The following DCUN1D4 variants were observed in gnomAD, a reference collection of about 807,000 sequenced individuals.
The protein encoded by DCUN1D4 is DCN1-like protein 4.
A neutral mutation model predicts 47.9 loss-of-function variants in DCUN1D4; 22 were observed. That is an observed-to-expected ratio of 0.46 (90% CI 0.33 to 0.66). The LOEUF (loss-of-function observed/expected upper bound fraction) is 0.66, where lower values mean the gene tolerates loss of function less well. Among genes scored for constraint, DCUN1D4 ranks in the 30% least tolerant of loss-of-function variants. DCUN1D4 has a pLI of 0.02. For synonymous variants in DCUN1D4, 121 were observed against 112.2 expected (o/e 1.08, Z -0.50); for missense variants, 301 against 340.8 (o/e 0.88, Z 0.92).
intron 1 of DCUN1D4, among the ~76,000 whole-genome samples, chr4:51,862,053 G>A (rs1051397869): frequency 2.6e-5 from 4 of 152,174 alleles, no homozygotes; most frequent in Non-Finnish European, 5.9e-5. Flanking sequence ...CTTAAGCATG[G>A]CTGGGCTATT....
chr4:51,833,988 G>A, the DCUN1D4 span, among the ~76,000 whole-genome samples: 1 of 148,662 alleles, frequency 6.7e-6, no homozygotes, highest in Admixed American at 6.7e-5. Context: ...TGGGAGCCTG[G>A]CTTGGGGAAG....
intron 5 of DCUN1D4, chr4:51,878,119 A>C: frequency 4.2e-6 from 1 of 236,248 alleles, no homozygotes. Context: ...ATTGCTGGGA[A>C]ACCTATTTGG....
chr4:51,864,692 T>G (rs1448012106), intron 3 of DCUN1D4, among the ~76,000 whole-genome samples: 5 of 152,142 alleles, frequency 3.3e-5, no homozygotes, highest in Non-Finnish European at 7.4e-5. Context: ...GGGCACTAAT[T>G]CCATTAATGA....
intron 1 of DCUN1D4, among the ~76,000 whole-genome samples, chr4:51,861,561 A>C (rs772903106): frequency 5.9e-5 from 9 of 152,158 alleles, no homozygotes; most frequent in Non-Finnish European, 1.2e-4. Flanking sequence ...TGAAATGACA[A>C]AAGCATAGCC....
chr4:51,898,111 C>G (rs1396821102), intron 7 of DCUN1D4, among the ~76,000 whole-genome samples: 1 of 152,190 alleles, frequency 6.6e-6, no homozygotes, highest in Non-Finnish European at 1.5e-5. Flanking sequence ...GGCCACAGAA[C>G]TTCTACTGGG....
At chr4:51,896,441 A>C (rs749144044) in intron 7 of DCUN1D4, among the ~76,000 whole-genome samples, 1 of 152,102 alleles carries the variant, frequency 6.6e-6, no homozygotes, top group Non-Finnish European at 1.5e-5. Flanking sequence ...GACAGGACTA[A>C]ACTAAACTAC....
chr4:51,905,077 C>G, intron 8 of DCUN1D4: 1 of 379,426 alleles, frequency 2.6e-6, no homozygotes, highest in Non-Finnish European at 5.6e-6. Context: ...CCCCAAGGGG[C>G]TGATCATTTC....
At chr4:51,908,202 G>C (rs1268122165) in intron 8 of DCUN1D4, among the ~76,000 whole-genome samples, 3 of 152,098 alleles carry the variant, frequency 2.0e-5, no homozygotes, top group Admixed American at 2.0e-4. Flanking sequence ...ATATTGTGGG[G>C]GATTGGTATA....
chr4:51,900,418 C>A (rs909571855), intron 8 of DCUN1D4, among the ~76,000 whole-genome samples: 1 of 152,000 alleles, frequency 6.6e-6, no homozygotes, highest in Non-Finnish European at 1.5e-5. Context: ...GATAAAATGG[C>A]ATTTGCATAA....
intron 6 of DCUN1D4, 129 bp downstream of exon 6, chr4:51,886,767 T>C: frequency 1.4e-6 from 1 of 732,030 alleles, no homozygotes; most frequent in Non-Finnish European, 2.3e-6. Flanking sequence ...GTCTAAGAAA[T>C]AAGTTCTAAT....
chr4:51,863,783 A>G (rs1241726000), intron 3 of DCUN1D4, 74 bp downstream of exon 3: 4 of 1,449,334 alleles, frequency 2.8e-6, no homozygotes, highest in Non-Finnish European at 3.8e-6. Context: ...CTAGCTATGA[A>G]TGCGCTATGT....
At chr4:51,891,383 G>A (rs1730403490) in intron 6 of DCUN1D4, among the ~76,000 whole-genome samples, 1 of 152,202 alleles carries the variant, frequency 6.6e-6, no homozygotes, top group African/African-American at 2.4e-5. Context: ...AGTAAATACT[G>A]TTGACTAAAA....
At chr4:51,866,749 C>G (rs1725995973) in intron 3 of DCUN1D4, among the ~76,000 whole-genome samples, 1 of 152,232 alleles carries the variant, frequency 6.6e-6, no homozygotes, top group Admixed American at 6.5e-5. Flanking sequence ...ACTTGAAATT[C>G]AGTTAAACGA....
intron 8 of DCUN1D4, among the ~76,000 whole-genome samples, chr4:51,907,880 A>T (rs1733132914): frequency 6.6e-6 from 1 of 152,260 alleles, no homozygotes; most frequent in African/African-American, 2.4e-5. Context: ...TTGTTAAGTC[A>T]TTTGTGTCAT....
chr4:51,858,587 A>G (rs181542868), intron 1 of DCUN1D4, among the ~76,000 whole-genome samples: 6 of 152,346 alleles, frequency 3.9e-5, no homozygotes, highest in Admixed American at 3.9e-4. Context: ...CCCTCTGTTT[A>G]CTGAATTATT....
intron 5 of DCUN1D4, among the ~76,000 whole-genome samples, chr4:51,885,434 A>G (rs766638338): frequency 6.6e-6 from 1 of 152,228 alleles, no homozygotes; most frequent in Non-Finnish European, 1.5e-5. Context: ...ACCAGCTGGG[A>G]CAGCATACAG....
intron 3 of DCUN1D4, among the ~76,000 whole-genome samples, chr4:51,870,604 A>T (rs191415748): frequency 2.0e-5 from 3 of 152,250 alleles, no homozygotes; most frequent in Admixed American, 1.3e-4. Flanking sequence ...TAATGGATGT[A>T]TCTTATTATT....
intron 8 of DCUN1D4, among the ~76,000 whole-genome samples, chr4:51,902,226 TA>T (rs1732227930): frequency 6.6e-6 from 1 of 152,230 alleles, no homozygotes; most frequent in Non-Finnish European, 1.5e-5. Flanking sequence ...ATGCGTACTT[TA>T]AAAGAATGAA....
chr4:51,848,419 T>C, intron 1 of DCUN1D4: 1 of 1,055,636 alleles, frequency 9.5e-7, no homozygotes, highest in Non-Finnish European at 1.2e-6. Context: ...CTTTTTGTTT[T>C]ATATCCATAT....
Sources: gnomAD v4.1 joint callset for allele counts (sites outside exome capture counted in the v4.1 genomes callset) on GRCh38, gnomAD v4.1.1 for gene constraint, MANE v1.5 for transcripts, NCBI Gene and HGNC (gene_info 2026-07-23, HGNC 2026-07-21) for gene names.